MSRA: variants seen among roughly 807,000 people sequenced by gnomAD.
MSRA encodes the protein mitochondrial peptide methionine sulfoxide reductase.
A neutral mutation model predicts 31.3 loss-of-function variants in MSRA; 54 were observed. That is an observed-to-expected ratio of 1.73 (90% confidence interval 1.39 to 2.17). MSRA has a LOEUF of 2.17. MSRA is among the 30% of genes most tolerant of loss of function. The pLI, the probability that MSRA is intolerant of heterozygous loss-of-function variation, is 0.00. For missense variants in MSRA, 507 were observed against 300.9 expected (o/e 1.69, Z -5.07); for synonymous variants, 169 against 116.5 (o/e 1.45, Z -2.90).
chr8:10,127,027 C>T (rs1263350568), intron 1 of MSRA, among the ~76,000 whole-genome samples: 1 of 152,206 alleles, frequency 6.6e-6, no homozygotes, highest in Admixed American at 6.5e-5. Flanking sequence ...TTGGGGACCC[C>T]TGCTCTAGAG....
At chr8:10,416,975 G>T (rs967695125) in intron 5 of MSRA, among the ~76,000 whole-genome samples, 23 of 152,230 alleles carry the variant, frequency 1.5e-4, no homozygotes, top group Non-Finnish European at 2.4e-4. Context: ...CCTCGAGGGT[G>T]CAGAGGACAC....
chr8:10,249,872 G>C (rs12544801), intron 3 of MSRA, among the ~76,000 whole-genome samples: 37,713 of 152,100 alleles, frequency 0.25, 4,934 homozygotes, highest in Admixed American at 0.35. Flanking sequence ...AACCCAGAAC[G>C]TGGACTGGAA....
At chr8:10,125,664 T>C (rs1345716770) in intron 1 of MSRA, among the ~76,000 whole-genome samples, 1 of 152,224 alleles carries the variant, frequency 6.6e-6, no homozygotes, top group Non-Finnish European at 1.5e-5. Flanking sequence ...TCTGTGTTGG[T>C]ACCACAGTCA....
At chr8:10,221,750 G>T (rs767796053) in intron 2 of MSRA, among the ~76,000 whole-genome samples, 138 of 152,302 alleles carry the variant, frequency 9.1e-4, no homozygotes, top group Non-Finnish European at 1.5e-3. Flanking sequence ...AATAGGAAAT[G>T]CTAGGCTAGG....
chr8:10,402,151 A>G (rs1205317135), intron 5 of MSRA, among the ~76,000 whole-genome samples: 1 of 152,174 alleles, frequency 6.6e-6, no homozygotes, highest in Non-Finnish European at 1.5e-5. Context: ...TCGATCGTGA[A>G]CATTGCTGAG....
chr8:10,228,914 C>A (rs189581659), intron 2 of MSRA, among the ~76,000 whole-genome samples: 1 of 152,010 alleles, frequency 6.6e-6, no homozygotes, highest in Non-Finnish European at 1.5e-5. Flanking sequence ...TCCTAGAAAA[C>A]GATACTCAGT....
chr8:10,224,544 C>T (rs1272257888), intron 2 of MSRA, among the ~76,000 whole-genome samples: 2 of 151,938 alleles, frequency 1.3e-5, no homozygotes, highest in Admixed American at 1.3e-4. Flanking sequence ...TTCTCAAGAG[C>T]AGAGAGGGCA....
At chr8:10,339,790 C>T (rs1284113808) in intron 5 of MSRA, among the ~76,000 whole-genome samples, 1 of 151,922 alleles carries the variant, frequency 6.6e-6, no homozygotes, top group Non-Finnish European at 1.5e-5. Context: ...ATCCCCCCGC[C>T]TCGGCCTCCC....
At chr8:10,278,993 A>T (rs1365615989) in intron 3 of MSRA, among the ~76,000 whole-genome samples, 1 of 152,134 alleles carries the variant, frequency 6.6e-6, no homozygotes, top group Non-Finnish European at 1.5e-5. Context: ...CTTACAGTAG[A>T]ATTGAAAAAA....
At chr8:10,401,822 T>C (rs1807483947) in intron 5 of MSRA, among the ~76,000 whole-genome samples, 1 of 152,146 alleles carries the variant, frequency 6.6e-6, no homozygotes, top group South Asian at 2.1e-4. Context: ...ACAAATACTG[T>C]ATGATTCCTC....
intron 5 of MSRA, among the ~76,000 whole-genome samples, chr8:10,370,213 A>T (rs1287078067): frequency 6.6e-6 from 1 of 152,228 alleles, no homozygotes; most frequent in Non-Finnish European, 1.5e-5. Flanking sequence ...TTATGTTCAA[A>T]GAAATGAAAT....
chr8:10,334,138 CTCTTA>C lies in MSRA; in HGVS notation c.543+14155_543+14159del, dbSNP rs148658611. ...GCTTTCCTGCCTGCGTTAATATCATCTCTTATCTTACCAACTAACATATAGGGGTG... is the reference window on the plus strand; with the variant it reads ...GCTTTCCTGCCTGCGTTAATATCATCTCTTACCAACTAACATATAGGGGTG... On this transcript the variant is annotated intron_variant, in intron 5 of 5. Coordinates refer to ENST00000317173, the MANE Select transcript of MSRA (RefSeq NM_012331.5). 1.7e-3 allele frequency among the ~76,000 whole-genome samples: 260 copies of C among 151,982 alleles called. 5 individuals are homozygous for C. The East Asian group carries it at 0.042, about 25-fold the overall frequency.
chr8:10,269,126 C>A (rs1448370010), intron 3 of MSRA, among the ~76,000 whole-genome samples: 1 of 151,948 alleles, frequency 6.6e-6, no homozygotes, highest in East Asian at 1.9e-4. Flanking sequence ...TGGATTGTTA[C>A]CACAAAATGC....
At chr8:10,365,800 C>T (rs1009259225) in intron 5 of MSRA, among the ~76,000 whole-genome samples, 4 of 152,328 alleles carry the variant, frequency 2.6e-5, no homozygotes, top group East Asian at 1.9e-4. Context: ...AGTGAAGGCA[C>T]TCGGAGGTAG....
intron 3 of MSRA, among the ~76,000 whole-genome samples, chr8:10,279,329 G>C (rs1272860184): frequency 6.6e-6 from 1 of 152,184 alleles, no homozygotes; most frequent in Admixed American, 6.5e-5. Flanking sequence ...AAATAGGGTG[G>C]AGTTTGGACA....
intron 1 of MSRA, among the ~76,000 whole-genome samples, chr8:10,187,321 T>C (rs1336719657): frequency 6.6e-6 from 1 of 152,228 alleles, no homozygotes; most frequent in Non-Finnish European, 1.5e-5. Context: ...TAAAAATTTT[T>C]GTATTCCACT....
intron 3 of MSRA, among the ~76,000 whole-genome samples, chr8:10,251,842 C>T (rs1401122806): frequency 1.3e-5 from 2 of 150,786 alleles, no homozygotes; most frequent in Non-Finnish European, 3.0e-5. Context: ...ATCGGCACCC[C>T]TCTGAAGGGT....
Position 10,280,583 on chromosome 8 carries a change from G to T in MSRA, c.332-20951G>T, listed in dbSNP as rs148987375. Reference sequence around the variant, plus strand: ...ACACTGCTGGTATGAAGGGAAAATCGTGTAGTCACTTTGGAAACCAGTGTG... The same window carrying T: ...ACACTGCTGGTATGAAGGGAAAATCTTGTAGTCACTTTGGAAACCAGTGTG... On this transcript the variant is annotated intron_variant, in intron 3 of 5. Coordinates refer to ENST00000317173, the MANE Select transcript of MSRA (RefSeq NM_012331.5). 4.6e-5 allele frequency among the ~76,000 whole-genome samples: 7 copies of T among 152,148 alleles called. No individual in the cohort carries two copies. In the South Asian group the frequency reaches 1.0e-3, roughly 22 times the overall value.
chr8:10,393,956 TC>T (rs1230737053), intron 5 of MSRA, among the ~76,000 whole-genome samples: 1 of 152,156 alleles, frequency 6.6e-6, no homozygotes, highest in African/African-American at 2.4e-5. Flanking sequence ...CACACAGCCA[TC>T]CCCCAGGCCT....
Sources: allele counts gnomAD v4.1 joint callset (sites outside exome capture counted in the v4.1 genomes callset), GRCh38; gene constraint gnomAD v4.1.1; transcripts MANE v1.5; gene names NCBI Gene and HGNC (gene_info 2026-07-23, HGNC 2026-07-21).